Variants in LRFN5 observed in about 807,000 individuals in gnomAD.
LRFN5 encodes the protein leucine rich repeat and fibronectin type III domain containing 5.
In LRFN5, 24 loss-of-function variants were observed where a neutral mutation model predicts 45.6. The ratio of observed to expected loss-of-function variants is 0.53; its 90% CI spans 0.38 to 0.74. The LOEUF (loss-of-function observed/expected upper bound fraction) is 0.74, where lower values mean the gene tolerates loss of function less well. LRFN5 is among the 30% of genes least tolerant of loss of function. The probability of loss-of-function intolerance (pLI) is 0.00; values close to 1 mark genes in which losing one functional copy is unlikely to be tolerated. For missense variants in LRFN5, 776 were observed against 861.5 expected, an observed-to-expected ratio of 0.90 and a Z score of 1.24; for synonymous variants, 340 against 313.8, an observed-to-expected ratio of 1.08 and a Z score of -0.88.
intron 1 of LRFN5, among the ~76,000 whole-genome samples, chr14:41,728,867 G>A (rs1884048978): frequency 6.6e-6 from 1 of 152,112 alleles, no homozygotes; most frequent in African/African-American, 2.4e-5. Context: ...AATTGATCAA[G>A]CATGTTGTTT....
chr14:41,621,774 A>C (rs1888144744), intron 1 of LRFN5, among the ~76,000 whole-genome samples: 1 of 152,116 alleles, frequency 6.6e-6, no homozygotes, highest in Non-Finnish European at 1.5e-5. Context: ...AGCTTGGCTC[A>C]GTATTTAAAA....
At position 41,891,515 on chromosome 14, in the gene LRFN5, C is replaced by T. The variant is rs537454200; in HGVS notation, c.1651C>T (p.Arg551Trp). 16 of 1,614,002 alleles carry T rather than the reference C, an allele frequency of 9.9e-6. No individual in the cohort carries two copies. In the Admixed American group the frequency reaches 1.2e-4, roughly 12 times the overall value. The stretch of plus-strand genomic sequence containing the variant: ...GGTATTCATCATTATTCTGATGATC[C>T]GGTATAAGGTTTGCAACAATAATGG... ...VLVFIIILMI[R>W]YKVCNNNGQH... The change falls in exon 4 of 6, where the codon CGG becomes TGG. Residue 551 changes from arginine to tryptophan, a missense_variant. Coordinates refer to ENST00000298119, the MANE Select transcript of LRFN5 (RefSeq NM_152447.5).
intron 1 of LRFN5, among the ~76,000 whole-genome samples, chr14:41,761,141 G>T (rs1289971802): frequency 6.6e-6 from 1 of 152,100 alleles, no homozygotes; most frequent in Non-Finnish European, 1.5e-5. Context: ...GTGCATGTAT[G>T]TAATATATCC....
intron 1 of LRFN5, among the ~76,000 whole-genome samples, chr14:41,662,246 A>T (rs1271631846): frequency 6.6e-6 from 1 of 152,054 alleles, no homozygotes; most frequent in African/African-American, 2.4e-5. Context: ...CACATTTGGT[A>T]GTTAGTTATT....
chr14:41,856,038 T>C (rs1311311087), intron 2 of LRFN5, among the ~76,000 whole-genome samples: 1 of 152,202 alleles, frequency 6.6e-6, no homozygotes, highest in African/African-American at 2.4e-5. Flanking sequence ...TTTCAGACAG[T>C]TAATTTTGTG....
chr14:41,745,635 C>T (rs1884888271), intron 1 of LRFN5, among the ~76,000 whole-genome samples: 1 of 145,708 alleles, frequency 6.9e-6, no homozygotes, highest in Non-Finnish European at 1.5e-5. Context: ...GAATATTGGA[C>T]TAAGAAAAAA....
chr14:41,828,834 A>G (rs1032896772), intron 2 of LRFN5, among the ~76,000 whole-genome samples: 2 of 151,886 alleles, frequency 1.3e-5, no homozygotes, highest in African/African-American at 4.8e-5. Context: ...AAATGCTTAC[A>G]ATGGACTTTA....
At chr14:41,674,457 C>G in intron 1 of LRFN5, among the ~76,000 whole-genome samples, 1 of 138,998 alleles carries the variant, frequency 7.2e-6, no homozygotes, top group Non-Finnish European at 1.6e-5. Flanking sequence ...GGCGGCCGGG[C>G]AGAGGCGCCC....
At chr14:41,716,778 G>A (rs1179716662) in intron 1 of LRFN5, among the ~76,000 whole-genome samples, 1 of 152,032 alleles carries the variant, frequency 6.6e-6, no homozygotes, top group Admixed American at 6.6e-5. Flanking sequence ...ACATGTTCAG[G>A]TATCTTTTCA....
intron 2 of LRFN5, among the ~76,000 whole-genome samples, chr14:41,885,936 G>A (rs112075702): frequency 0.056 from 8,211 of 145,742 alleles, 345 homozygotes; most frequent in African/African-American, 0.12. Flanking sequence ...ATCAGTAATC[G>A]CTTGAACCTG....
chr14:41,712,591 A>G (rs375291687), intron 1 of LRFN5, among the ~76,000 whole-genome samples: 18 of 152,200 alleles, frequency 1.2e-4, no homozygotes, highest in African/African-American at 3.9e-4. Flanking sequence ...AAAATAGCCA[A>G]GACATATTTC....
chr14:41,858,271 C>T lies in LRFN5; in HGVS notation c.-20-28335C>T, dbSNP rs1011369679. Reference sequence around the variant, plus strand: ...GTAACCCTTTACCACTCTCTCCAAGCACCACCCAGTTATTGCCACCTTCGT... The same window carrying T: ...GTAACCCTTTACCACTCTCTCCAAGTACCACCCAGTTATTGCCACCTTCGT... On this transcript the variant is annotated intron_variant, in intron 2 of 5. Transcript: ENST00000298119. Among the ~76,000 whole-genome samples the T allele has an allele frequency of 4.6e-5, 7 of 152,304 alleles. No homozygotes were observed. In the East Asian group the frequency reaches 1.4e-3, roughly 30 times the overall value.
intron 1 of LRFN5, among the ~76,000 whole-genome samples, chr14:41,671,617 G>GTTTTTTTTTTTCTTTTTTTTTTTTTTTT (rs1881225927): frequency 1.3e-5 from 1 of 78,020 alleles, no homozygotes. Context: ...TTTTTTTTTC[G>GTTTTTTTTTTTCTTTTTTTTTTTTTTTT]TTTTTTTTTT....
intron 4 of LRFN5, among the ~76,000 whole-genome samples, chr14:41,898,276 T>C (rs191145806): frequency 5.3e-5 from 8 of 152,188 alleles, no homozygotes; most frequent in Admixed American, 5.2e-4. Context: ...ATAGAATGTG[T>C]GCTGCACAGG....
chr14:41,798,588 A>G (rs1208456676), intron 2 of LRFN5, among the ~76,000 whole-genome samples: 1 of 151,976 alleles, frequency 6.6e-6, no homozygotes, highest in Non-Finnish European at 1.5e-5. Context: ...GTATCTTTTT[A>G]TATGCATTGT....
intron 1 of LRFN5, among the ~76,000 whole-genome samples, chr14:41,756,129 A>G (rs947138885): frequency 2.6e-5 from 4 of 152,166 alleles, no homozygotes; most frequent in Non-Finnish European, 5.9e-5. Context: ...ATCTGCCGAG[A>G]GATCAGCTGT....
chr14:41,704,436 C>CTGTGTG lies in LRFN5; in HGVS notation c.-196-62417_-196-62416insGTGTGT, dbSNP rs1430752309. Among the ~76,000 whole-genome samples the CTGTGTG allele has an allele frequency of 2.7e-3, 241 of 89,464 alleles. 3 individuals carry two copies. Among genetic ancestry groups the CTGTGTG allele is most frequent in the Non-Finnish European group, 3.2e-3 (146 of 45,144 alleles). The allele number at this position is 89,464 out of a possible 152,430, so 58.7% of individuals were successfully genotyped here. A position where few individuals can be genotyped will look rare whatever the true frequency, so the allele number is the denominator to read the frequency against. On this transcript the variant is annotated intron_variant, in intron 1 of 5. Transcript: ENST00000298119. ...TCTCTCTCTCTCTCTCTCTCTCTCT[C>CTGTGTG]TCTCTCTCTCTCTGTGTGTGTGTGT...
intron 2 of LRFN5, among the ~76,000 whole-genome samples, chr14:41,857,507 G>A (rs1158090355): frequency 6.6e-6 from 1 of 152,130 alleles, no homozygotes; most frequent in African/African-American, 2.4e-5. Flanking sequence ...AAGTAAGCAA[G>A]GTTATTTACA....
At chr14:41,771,258 G>T (rs1886076968) in intron 2 of LRFN5, among the ~76,000 whole-genome samples, 1 of 151,142 alleles carries the variant, frequency 6.6e-6, no homozygotes, top group Non-Finnish European at 1.5e-5. Context: ...AGCAGGCCCA[G>T]TCTTGAAGAT....
Sources: gnomAD v4.1 joint callset for allele counts (sites outside exome capture counted in the v4.1 genomes callset) on GRCh38, gnomAD v4.1.1 for gene constraint, MANE v1.5 for transcripts, NCBI Gene and HGNC (gene_info 2026-07-23, HGNC 2026-07-21) for gene names.